Variants in GHITM observed in about 807,000 individuals in gnomAD.
The protein encoded by GHITM is growth hormone-inducible transmembrane protein.
In GHITM, 24 loss-of-function variants were observed where a neutral mutation model predicts 38.7. That is an observed-to-expected ratio of 0.62 (90% CI 0.45 to 0.87). The LOEUF is 0.87. Among genes scored for constraint, GHITM ranks in the 40% least tolerant of loss-of-function variants. The probability of loss-of-function intolerance (pLI) is 0.00; values close to 1 mark genes in which losing one functional copy is unlikely to be tolerated. For missense variants in GHITM, 420 were observed against 429.8 expected (o/e 0.98, Z 0.20); for synonymous variants, 154 against 147.8 (o/e 1.04, Z -0.30).
chr10:84,143,308 C>G (rs1403476913), intron 3 of GHITM, among the ~76,000 whole-genome samples: 1 of 152,198 alleles, frequency 6.6e-6, no homozygotes, highest in Admixed American at 6.5e-5. Context: ...TGCAAAATGT[C>G]TTTACAGTGG....
intron 6 of GHITM, among the ~76,000 whole-genome samples, chr10:84,149,114 T>G (rs1196016742): frequency 6.6e-6 from 1 of 152,190 alleles, no homozygotes; most frequent in Non-Finnish European, 1.5e-5. Context: ...CCAGGAGGGT[T>G]TTATATCTAG....
chr10:84,143,424 C>T (rs769467488), intron 3 of GHITM, among the ~76,000 whole-genome samples: 7 of 152,090 alleles, frequency 4.6e-5, no homozygotes, highest in African/African-American at 1.2e-4. Flanking sequence ...TCTTAGTAAA[C>T]GAATTAGACT....
chr10:84,146,101 T>A (rs776463618), intron 5 of GHITM, among the ~76,000 whole-genome samples: 2 of 152,088 alleles, frequency 1.3e-5, no homozygotes, highest in African/African-American at 2.4e-5. Flanking sequence ...GCGGTCCAAT[T>A]TTACCAAACA....
chr10:84,141,439 G>GT, intron 1 of GHITM, 23 bp from the exon 2 acceptor site: 1 of 1,555,532 alleles, frequency 6.4e-7, no homozygotes. Context: ...TTTTTGGTTG[G>GT]TTTTGCCTTT....
intron 5 of GHITM, among the ~76,000 whole-genome samples, chr10:84,146,800 C>T (rs573858192): frequency 6.6e-6 from 1 of 152,138 alleles, no homozygotes; most frequent in Non-Finnish European, 1.5e-5. Flanking sequence ...GTTAGTAATA[C>T]AGAAAATAGG....
rs902087647 is a variant in GHITM at position 84,139,543 on chromosome 10, C to A, written c.-90C>A. 1.3e-5 allele frequency: 2 copies of A among 152,316 alleles called. No individual in the cohort carries two copies. The highest frequency in any genetic ancestry group is 4.8e-5 in the African/African-American group (2 of 41,470). The allele number at this position is 152,316 out of a possible 1,614,324, so 9.4% of individuals were successfully genotyped here. On this transcript the variant is annotated 5_prime_UTR_variant, in exon 1 of 9. Transcript: ENST00000372134. ...GAGGAACTGTGCTCTTTGAGGCCGA[C>A]GCTAGGGGCCCGGAAGGGAAACTGC... is the stretch of plus-strand genomic sequence containing the variant.
chr10:84,142,606 G>A lies in GHITM; in HGVS notation c.130-49G>A, dbSNP rs568533895. 48 of 1,148,132 alleles carry A rather than the reference G, an allele frequency of 4.2e-5. 1 individual carries two copies. The East Asian group carries it at 4.4e-4, about 10-fold the overall frequency. The allele number at this position is 1,148,132 out of a possible 1,614,324, so 71.1% of individuals were successfully genotyped here. On this transcript the variant is annotated intron_variant, in intron 2 of 8. Transcript: ENST00000372134. ...GGATCTTGCATTTTATTTTATTAAC[G>A]TTCTGTTTTCATGTGGGTGGTACGT...
chr10:84,144,746 C>T, intron 4 of GHITM, 129 bp from the exon 5 acceptor site: 1 of 539,056 alleles, frequency 1.9e-6, no homozygotes, highest in East Asian at 3.0e-5. Context: ...ATAATTATTT[C>T]CATGATAAAT....
intron 3 of GHITM, among the ~76,000 whole-genome samples, chr10:84,143,498 T>C (rs987249127): frequency 2.0e-5 from 3 of 152,216 alleles, no homozygotes; most frequent in Admixed American, 6.5e-5. Flanking sequence ...TGCCTCTCAG[T>C]ACCCTAAAAC....
At chr10:84,146,898 G>A (rs1841561801) in intron 5 of GHITM, among the ~76,000 whole-genome samples, 1 of 152,202 alleles carries the variant, frequency 6.6e-6, no homozygotes, top group Admixed American at 6.5e-5. Flanking sequence ...TAGACACACA[G>A]ATAATGTCAA....
rs745822967 is a variant in GHITM at position 84,152,305 on chromosome 10, G to T, written c.995G>T (p.Arg332Leu). ...IYMDTLNIFM[R>L]VATMLATGGN... is the part of the protein sequence containing the mutation. ...ATGGATACATTAAATATATTTATGCGAGTTGCAACTATGCTGGCAACTGGA... is the reference window on the plus strand; with the variant it reads ...ATGGATACATTAAATATATTTATGCTAGTTGCAACTATGCTGGCAACTGGA... Residue 332 changes from arginine to leucine, a missense_variant, in exon 9 of 9, where the codon CGA (arginine) becomes CTA (leucine). Arg to Leu is a moderately radical substitution (Grantham distance 102). Coordinates refer to ENST00000372134, the MANE Select transcript of GHITM (RefSeq NM_014394.3). The T allele has an allele frequency of 3.1e-6, 5 of 1,606,754 alleles. No individual in the cohort carries two copies. Among genetic ancestry groups the T allele is most frequent in the Admixed American group, 1.7e-5 (1 of 59,442 alleles).
chr10:84,150,087 A>G lies in GHITM; in HGVS notation c.625A>G (p.Ile209Val). 1 of 1,607,804 alleles carries G rather than the reference A, an allele frequency of 6.2e-7. No individual in the cohort carries two copies. The highest frequency in any genetic ancestry group is 2.2e-5 in the East Asian group (1 of 44,692). The change falls in exon 7 of 9, where the codon ATA becomes GTA. Residue 209 changes from isoleucine to valine, a missense_variant. Coordinates refer to ENST00000372134, the MANE Select transcript of GHITM (RefSeq NM_014394.3). The stretch of plus-strand genomic sequence containing the variant: ...GGGTGCAGTGGTGGCTCCTCTGACA[A>G]TATTAGGGGGTCCTCTTCTCATCAG... ...VMGAVVAPLT[I>V]LGGPLLIRAA...
chr10:84,150,339 A>G (rs996304619), intron 7 of GHITM, 96 bp downstream of exon 7: 1 of 1,015,626 alleles, frequency 9.8e-7, no homozygotes, highest in Non-Finnish European at 1.4e-6. Context: ...TTTATTTTAA[A>G]AGTTTTTTTA....
Position 84,150,569 on chromosome 10 carries a change from A to T in GHITM, c.782-140A>T, listed in dbSNP as rs1841601261. 2.2e-5 allele frequency: 14 copies of T among 644,988 alleles called. No individual in the cohort carries two copies. In the South Asian group the frequency reaches 3.0e-4, roughly 14 times the overall value. The allele number at this position is 644,988 out of a possible 1,614,324, so 40.0% of individuals were successfully genotyped here. ...TGGATTTTGAACTAATGCAAATAAG[A>T]TTAGACAGTACATGTACCCAGATGT... is the stretch of plus-strand genomic sequence containing the variant. On this transcript the variant is annotated intron_variant, in intron 7 of 8. Coordinates refer to ENST00000372134, the MANE Select transcript of GHITM (RefSeq NM_014394.3).
In GHITM at chr10:84,148,783, A is replaced by C; in HGVS notation, c.537A>C (p.Ser179=). 1 of 1,613,606 alleles carries C rather than the reference A, an allele frequency of 6.2e-7. No homozygotes were observed. Among genetic ancestry groups the C allele is most frequent in the Non-Finnish European group, 8.5e-7 (1 of 1,179,510 alleles). The change falls in exon 6 of 9, where the codon TCA becomes TCC. Residue 179 remains serine, a synonymous_variant. Coordinates refer to ENST00000372134, the MANE Select transcript of GHITM (RefSeq NM_014394.3). The part of the protein sequence containing the change: ...AMVGAGMLVR[S]IPYDQSPGPK... ...TTGGAGCTGGAATGCTGGTACGATC[A>C]ATACCATATGACCAGAGCCCAGGCC...
In GHITM at chr10:84,141,518, GGT is replaced by G. The variant is rs1311487065; in HGVS notation, c.23_24del (p.Cys8SerfsTer7). 1 of 1,613,616 alleles carries G rather than the reference GGT, an allele frequency of 6.2e-7. No homozygotes were observed. The highest frequency in any genetic ancestry group is 8.5e-7 in the Non-Finnish European group (1 of 1,179,728). MLAARL[V>X]CLRTLPSRVF... ...CCACCACCATGTTGGCTGCAAGGCT[GGT>G]GTGTCTCCGGACACTACCTTCTAGG... is the stretch of plus-strand genomic sequence containing the variant. On this transcript the variant is annotated frameshift_variant, in exon 2 of 9. Coordinates refer to ENST00000372134, the MANE Select transcript of GHITM (RefSeq NM_014394.3). LOFTEE classifies it high-confidence loss of function.
chr10:84,147,508 T>A (rs1841567669), intron 5 of GHITM, among the ~76,000 whole-genome samples: 1 of 152,208 alleles, frequency 6.6e-6, no homozygotes, highest in African/African-American at 2.4e-5. Flanking sequence ...GTGAGACAGA[T>A]AATACAGATG....
chr10:84,147,166 AT>A (rs1437101102), intron 5 of GHITM, among the ~76,000 whole-genome samples: 2 of 152,198 alleles, frequency 1.3e-5, no homozygotes, highest in Non-Finnish European at 2.9e-5. Flanking sequence ...AAAAAATTTA[AT>A]TGCTGCTGTC....
intron 5 of GHITM, among the ~76,000 whole-genome samples, chr10:84,148,298 AT>A (rs780801985): frequency 1.6e-5 from 2 of 124,514 alleles, no homozygotes; most frequent in African/African-American, 4.5e-5. Context: ...TTTATTTTTT[AT>A]TTTTTTATTT....
Sources: gnomAD v4.1 joint callset for allele counts (sites outside exome capture counted in the v4.1 genomes callset) on GRCh38, gnomAD v4.1.1 for gene constraint, MANE v1.5 for transcripts, NCBI Gene and HGNC (gene_info 2026-07-23, HGNC 2026-07-21) for gene names.